Variants in GPCPD1 observed in about 807,000 individuals in gnomAD.
GPCPD1 encodes the protein glycerophosphocholine phosphodiesterase GPCPD1.
Under a neutral mutation model 89.2 loss-of-function variants are expected in GPCPD1, and 29 were observed. The ratio of observed to expected loss-of-function variants is 0.33; its 90% CI spans 0.24 to 0.44. The LOEUF (loss-of-function observed/expected upper bound fraction) is 0.44. GPCPD1 is among the 20% of genes least tolerant of loss of function. GPCPD1 has a pLI of 1.00. For missense variants in GPCPD1, 594 were observed against 808.9 expected, an observed-to-expected ratio of 0.73 and a Z score of 3.22; for synonymous variants, 258 against 266.3, an observed-to-expected ratio of 0.97 and a Z score of 0.30.
chr20:5,606,586 A>G (rs548849285), intron 1 of GPCPD1, among the ~76,000 whole-genome samples: 26 of 152,308 alleles, frequency 1.7e-4, no homozygotes, highest in Admixed American at 1.2e-3. Flanking sequence ...TCTTCCCTCC[A>G]GGGGATTATT....
chr20:5,602,742 C>T (rs1267351287), intron 2 of GPCPD1, among the ~76,000 whole-genome samples: 6 of 152,030 alleles, frequency 3.9e-5, no homozygotes, highest in Admixed American at 2.0e-4. Flanking sequence ...CAGCACTTTG[C>T]GGGGCCAAGG....
chr20:5,599,278 G>C lies in GPCPD1; in HGVS notation c.50-457C>G, dbSNP rs569549728. Among the ~76,000 whole-genome samples, 3 of 152,166 alleles carry C rather than the reference G, an allele frequency of 2.0e-5. No homozygotes were observed. The South Asian group carries it at 6.2e-4, about 32-fold the overall frequency. The stretch of plus-strand genomic sequence containing the variant: ...CAAGAACATTATTAAGGCCAGGCGT[G>C]GTGGCTCACACCTGTAATCCCAGCA... On this transcript the variant is annotated intron_variant, in intron 2 of 19. Transcript: ENST00000379019.
At position 5,558,924 on chromosome 20, in the gene GPCPD1, C is replaced by T. The variant is rs572601796; in HGVS notation, c.1533-105G>A. 6.4e-4 allele frequency: 522 copies of T among 818,418 alleles called. 8 individuals are homozygous for T. Among genetic ancestry groups the T allele is most frequent in the Admixed American group, 3.1e-4 (9 of 28,696 alleles). The allele number at this position is 818,418 out of a possible 1,614,324, so 50.7% of individuals were successfully genotyped here. On this transcript the variant is annotated intron_variant, in intron 17 of 19. Transcript: ENST00000379019. ...AAAGTATAAAGAAAACAAACGAGGC[C>T]GGGCATGGTGGCTCACACCTGTAAT...
intron 8 of GPCPD1, among the ~76,000 whole-genome samples, chr20:5,576,653 T>A (rs1453556313): frequency 6.6e-6 from 1 of 152,172 alleles, no homozygotes; most frequent in African/African-American, 2.4e-5. Flanking sequence ...TAATCACTTT[T>A]ATGTTGTTGT....
Position 5,581,814 on chromosome 20 carries a change from C to CTTTTTTTTTTTTTT in GPCPD1, c.350-1697_350-1684dup, listed in dbSNP as rs11479995. Among the ~76,000 whole-genome samples the CTTTTTTTTTTTTTT allele has an allele frequency of 4.3e-4, 32 of 75,026 alleles. 3 individuals are homozygous for CTTTTTTTTTTTTTT. Among genetic ancestry groups the CTTTTTTTTTTTTTT allele is most frequent in the African/African-American group, 1.5e-3 (19 of 13,084 alleles). The allele number at this position is 75,026 out of a possible 152,430, so 49.2% of individuals were successfully genotyped here. A position where few individuals can be genotyped will look rare whatever the true frequency, so the allele number is the denominator to read the frequency against. On this transcript the variant is annotated intron_variant, in intron 6 of 19. Transcript: ENST00000379019. ...ATGCTTAATAATTGTGGGACTTTAACTTTTTTTTTTTTTTTTTTTTTTTTT... is the reference window on the plus strand; with the variant it reads ...ATGCTTAATAATTGTGGGACTTTAACTTTTTTTTTTTTTTTTTTTTTTTTTTTTTTTTTTTTTTT...
rs114567046 is a variant in GPCPD1 at position 5,574,408 on chromosome 20, A to G, written c.1002-439T>C. On this transcript the variant is annotated intron_variant, in intron 10 of 19. Coordinates refer to ENST00000379019, the MANE Select transcript of GPCPD1 (RefSeq NM_019593.5). ...ATAGAAGTATGGAAACTCTATTCAT[A>G]ATAAGAACAGAAAGGGGGAAAATGT... 6.5e-3 allele frequency among the ~76,000 whole-genome samples: 997 copies of G among 152,274 alleles called. 11 individuals are homozygous for G. The highest frequency in any genetic ancestry group is 0.022 in the African/African-American group (919 of 41,542).
chr20:5,553,902 T>C (rs1277388072), intron 19 of GPCPD1, among the ~76,000 whole-genome samples: 1 of 92,252 alleles, frequency 1.1e-5, no homozygotes, highest in Admixed American at 9.7e-5. Context: ...ATGGAGAAGC[T>C]GCAGTTAAGG....
intron 15 of GPCPD1, 49 bp downstream of exon 15, chr20:5,564,968 C>T: frequency 2.3e-6 from 2 of 863,316 alleles, no homozygotes; most frequent in Non-Finnish European, 3.9e-6. Flanking sequence ...ATTATTCATA[C>T]ATGACAAAGT....
At chr20:5,600,430 T>G (rs560420581) in intron 2 of GPCPD1, among the ~76,000 whole-genome samples, 1 of 152,320 alleles carries the variant, frequency 6.6e-6, no homozygotes, top group East Asian at 1.9e-4. Flanking sequence ...GGCTCATGCC[T>G]GTAATCCCAG....
At chr20:5,598,100 A>G (rs1310778422) in intron 3 of GPCPD1, among the ~76,000 whole-genome samples, 1 of 152,168 alleles carries the variant, frequency 6.6e-6, no homozygotes, top group Non-Finnish European at 1.5e-5. Flanking sequence ...TCAAATAAGA[A>G]AGCAAGGTGG....
chr20:5,552,852 T>C (rs753848766), intron 19 of GPCPD1, among the ~76,000 whole-genome samples: 6 of 152,220 alleles, frequency 3.9e-5, no homozygotes, highest in Non-Finnish European at 8.8e-5. Context: ...ATGGGAAGAA[T>C]AGTAATATGA....
At chr20:5,582,186 C>CAAAAAAAAAAAAAA (rs1164754193) in intron 6 of GPCPD1, among the ~76,000 whole-genome samples, 1 of 36,280 alleles carries the variant, frequency 2.8e-5, no homozygotes, top group African/African-American at 1.1e-4. Context: ...ACTCCCGTCT[C>CAAAAAAAAAAAAAA]AAAAAAAAAA....
intron 5 of GPCPD1, 64 bp downstream of exon 5, chr20:5,586,130 C>G: frequency 1.3e-6 from 1 of 748,778 alleles, no homozygotes; most frequent in Non-Finnish European, 2.3e-6. Flanking sequence ...TCCCACTAAG[C>G]CATTGTGCAG....
At chr20:5,604,260 A>G in intron 2 of GPCPD1, 104 bp downstream of exon 2, 4 of 683,384 alleles carry the variant, frequency 5.9e-6, no homozygotes, top group Non-Finnish European at 1.1e-5. Flanking sequence ...ATTTTCATCT[A>G]AAAAATCAGG....
At chr20:5,551,188 T>C (rs989599232) in intron 19 of GPCPD1, among the ~76,000 whole-genome samples, 6 of 152,204 alleles carry the variant, frequency 3.9e-5, no homozygotes, top group Admixed American at 2.0e-4. Flanking sequence ...CTCCTATGCC[T>C]GACCCACAGG....
intron 1 of GPCPD1, among the ~76,000 whole-genome samples, 182 bp from the exon 2 acceptor site, chr20:5,604,622 G>GGT (rs1555811015): frequency 2.5e-5 from 2 of 80,546 alleles, no homozygotes; most frequent in Non-Finnish European, 5.0e-5. Context: ...GGGGGGGGGG[G>GGT]GGCGGGAAAG....
chr20:5,595,749 G>A (rs1979673063), intron 3 of GPCPD1, among the ~76,000 whole-genome samples: 1 of 151,336 alleles, frequency 6.6e-6, no homozygotes, highest in South Asian at 2.1e-4. Context: ...GTTTCCAGGT[G>A]GACTCTTCCA....
At chr20:5,548,005 T>C (rs1985128803) in intron 19 of GPCPD1, among the ~76,000 whole-genome samples, 155 bp from the exon 20 acceptor site, 1 of 152,224 alleles carries the variant, frequency 6.6e-6, no homozygotes. Flanking sequence ...AAAGTATCCA[T>C]TCTCTTTTTT....
intron 4 of GPCPD1, among the ~76,000 whole-genome samples, chr20:5,590,213 C>T (rs1979227331): frequency 6.6e-6 from 1 of 152,092 alleles, no homozygotes; most frequent in Admixed American, 6.6e-5. Context: ...TTTTCTTCCA[C>T]AATTTTGAAA....
Sources: allele counts gnomAD v4.1 joint callset (sites outside exome capture counted in the v4.1 genomes callset), GRCh38; gene constraint gnomAD v4.1.1; transcripts MANE v1.5; gene names NCBI Gene and HGNC (gene_info 2026-07-23, HGNC 2026-07-21).